Variants in UGT1A6 observed in about 807,000 individuals in gnomAD.
UGT1A6 encodes the protein UDP glucuronosyltransferase family 1 member A6.
A neutral mutation model predicts 44.4 loss-of-function variants in UGT1A6; 32 were observed. The observed-to-expected ratio is 0.72, with a 90% CI of 0.54 to 0.97. UGT1A6 has a LOEUF of 0.97. Ranked by LOEUF, UGT1A6 falls within the 50% of genes least tolerant of loss-of-function variation. UGT1A6 has a pLI of 0.00. For missense variants in UGT1A6, 685 were observed against 661.9 expected (o/e 1.03, Z -0.38); for synonymous variants, 238 against 248.5 (o/e 0.96, Z 0.40).
intron 1 of UGT1A6, chr2:233,761,211 C>G (rs35802766): frequency 6.2e-7 from 1 of 1,613,738 alleles, no homozygotes; most frequent in East Asian, 2.2e-5. Flanking sequence ...TACTTTGGAT[C>G]GATTAACTAG....
chr2:233,747,868 C>A, intron 1 of UGT1A6: 1 of 1,613,534 alleles, frequency 6.2e-7, no homozygotes, highest in South Asian at 1.1e-5. Flanking sequence ...TACCCTCTGG[C>A]CCTGTCCTAC....
chr2:233,760,564 G>C, intron 1 of UGT1A6: 1 of 1,614,242 alleles, frequency 6.2e-7, no homozygotes, highest in Non-Finnish European at 8.5e-7. Context: ...AGAGTCTTTT[G>C]TTAGTCTCGG....
chr2:233,713,305 A>G, intron 1 of UGT1A6: 3 of 1,614,274 alleles, frequency 1.9e-6, no homozygotes, highest in Non-Finnish European at 2.5e-6. Context: ...GAAACAGAAC[A>G]TCTTCTGATG....
chr2:233,729,942 CA>C, intron 1 of UGT1A6: 1 of 1,614,068 alleles, frequency 6.2e-7, no homozygotes, highest in Non-Finnish European at 8.5e-7. Context: ...TCATGCCCAA[CA>C]TGGTCTTCAT....
intron 1 of UGT1A6, chr2:233,712,843 G>C (rs556220136): frequency 1.1e-5 from 16 of 1,515,268 alleles, no homozygotes; most frequent in Admixed American, 7.8e-5. Flanking sequence ...ATAGATTAAC[G>C]GGTAATAAGT....
chr2:233,691,801 C>G (rs958014119), upstream of UGT1A6: 21 of 217,940 alleles, frequency 9.6e-5, no homozygotes, highest in Admixed American at 2.6e-4. Context: ...TTATACTTCT[C>G]AAATCTTAAT....
At chr2:233,766,435 T>C (rs913964749) in intron 1 of UGT1A6, among the ~76,000 whole-genome samples, 5 of 152,184 alleles carry the variant, frequency 3.3e-5, no homozygotes, top group African/African-American at 1.2e-4. Flanking sequence ...TCCAGCTACC[T>C]GTGTGTCTGC....
chr2:233,697,426 C>T (rs1020465940), intron 1 of UGT1A6, among the ~76,000 whole-genome samples: 1 of 150,954 alleles, frequency 6.6e-6, no homozygotes, highest in African/African-American at 2.4e-5. Flanking sequence ...TGCTGTGTTT[C>T]CTTTTTCATT....
intron 1 of UGT1A6, chr2:233,747,078 A>G (rs1246065129): frequency 1.2e-5 from 13 of 1,085,828 alleles, no homozygotes; most frequent in Admixed American, 7.9e-5. Context: ...ATAATTAACT[A>G]GGAGGAGAGC....
At chr2:233,768,876 G>A (rs747097900) in intron 4 of UGT1A6, among the ~76,000 whole-genome samples, 6 of 151,968 alleles carry the variant, frequency 3.9e-5, no homozygotes, top group Admixed American at 6.6e-5. Flanking sequence ...GAGCCAGCGC[G>A]TCTGACCTGG....
chr2:233,711,476 T>G (rs2076182629), intron 1 of UGT1A6, among the ~76,000 whole-genome samples: 1 of 152,172 alleles, frequency 6.6e-6, no homozygotes, highest in African/African-American at 2.4e-5. Context: ...GAGGCTGAGA[T>G]GTTGCACCCA....
intron 1 of UGT1A6, among the ~76,000 whole-genome samples, chr2:233,724,344 C>CA (rs2077230286): frequency 1.4e-5 from 2 of 144,986 alleles, no homozygotes; most frequent in East Asian, 2.2e-4. Context: ...GGGCTGACCC[C>CA]CCCCACCTCC....
intron 1 of UGT1A6, among the ~76,000 whole-genome samples, chr2:233,707,990 C>A (rs1350319093): frequency 6.6e-6 from 1 of 152,182 alleles, no homozygotes; most frequent in Non-Finnish European, 1.5e-5. Flanking sequence ...GGGTTGTCTA[C>A]TCGAATTATG....
At chr2:233,706,566 G>A (rs1311668869) in intron 1 of UGT1A6, among the ~76,000 whole-genome samples, 1 of 152,154 alleles carries the variant, frequency 6.6e-6, no homozygotes, top group African/African-American at 2.4e-5. Flanking sequence ...TCAAACCTTA[G>A]GGTAAGAGTG....
intron 1 of UGT1A6, among the ~76,000 whole-genome samples, chr2:233,700,750 T>C (rs535938067): frequency 6.2e-4 from 94 of 152,228 alleles, no homozygotes; most frequent in Non-Finnish European, 9.3e-4. Flanking sequence ...ACTTTAAGTT[T>C]TAGGGTACAT....
At chr2:233,725,138 T>G (rs1450596211) in intron 1 of UGT1A6, among the ~76,000 whole-genome samples, 3 of 132,684 alleles carry the variant, frequency 2.3e-5, no homozygotes, top group Middle Eastern at 3.7e-3. Flanking sequence ...ATGGCAGCAG[T>G]ACAGTCCAGC....
chr2:233,749,875 A>C (rs747231604), intron 1 of UGT1A6, among the ~76,000 whole-genome samples: 2 of 151,930 alleles, frequency 1.3e-5, no homozygotes, highest in Non-Finnish European at 2.9e-5. Context: ...CAGGATTATA[A>C]GTTTCCTGAG....
chr2:233,718,122 G>A (rs1197667790), intron 1 of UGT1A6: 2 of 287,308 alleles, frequency 7.0e-6, no homozygotes, highest in Non-Finnish European at 1.4e-5. Context: ...CTTATTCCAT[G>A]GTGTAGATGG....
Position 233,768,428 on chromosome 2 carries a change from C to T in UGT1A6, c.1290C>T (p.Ile430=), listed in dbSNP as rs1559415864. The T allele has an allele frequency of 6.2e-7, 1 of 1,613,856 alleles. No homozygotes were observed. Among genetic ancestry groups the T allele is most frequent in the Non-Finnish European group, 8.5e-7 (1 of 1,179,916 alleles). ...TAGAAAATGCTCTAAAAGCAGTCATCAATGACAAAAGGTAAGAAAGAAGAT... is the reference window on the plus strand; with the variant it reads ...TAGAAAATGCTCTAAAAGCAGTCATTAATGACAAAAGGTAAGAAAGAAGAT... ...EDLENALKAV[I]NDKSYKENIM... is the part of the protein sequence containing the mutation. The change falls in exon 4 of 5, where the codon ATC becomes ATT. Residue 430 remains isoleucine, a synonymous_variant. Coordinates refer to ENST00000305139, the MANE Select transcript of UGT1A6 (RefSeq NM_001072.4).
Sources: allele counts gnomAD v4.1 joint callset (sites outside exome capture counted in the v4.1 genomes callset), GRCh38; gene constraint gnomAD v4.1.1; transcripts MANE v1.5; gene names NCBI Gene and HGNC (gene_info 2026-07-23, HGNC 2026-07-21).